The following ZNF610 variants were observed in gnomAD, a reference collection of about 807,000 sequenced individuals.
ZNF610 encodes the protein zinc finger protein 610.
ZNF610 carries 14 observed loss-of-function variants against 14.1 expected under a neutral mutation model. The observed-to-expected ratio is 0.99, with a 90% confidence interval of 0.65 to 1.55. ZNF610 has a LOEUF of 1.55. Among genes scored for constraint, ZNF610 ranks in the 40% most tolerant of loss-of-function variants. The pLI is 0.00. For synonymous variants in ZNF610, 185 were observed against 187.6 expected (o/e 0.99, Z 0.11); for missense variants, 530 against 558.0 (o/e 0.95, Z 0.51).
chr19:52,335,677 G>A (rs933028844), upstream of ZNF610, among the ~76,000 whole-genome samples: 3 of 152,118 alleles, frequency 2.0e-5, no homozygotes, highest in African/African-American at 7.2e-5. Flanking sequence ...CTCCCGTGCT[G>A]GAGATCAGAG....
intron 1 of ZNF610, among the ~76,000 whole-genome samples, chr19:52,339,073 G>A (rs946784913): frequency 2.0e-5 from 3 of 151,976 alleles, no homozygotes; most frequent in South Asian, 2.1e-4. Context: ...ATAAGGAAAC[G>A]TGCTGTGCCT....
At chr19:52,347,482 A>G (rs893241937) in intron 1 of ZNF610, among the ~76,000 whole-genome samples, 2 of 152,192 alleles carry the variant, frequency 1.3e-5, no homozygotes, top group South Asian at 4.1e-4. Flanking sequence ...TGAGAAAAAA[A>G]TATTTTTTAT....
intron 1 of ZNF610, among the ~76,000 whole-genome samples, chr19:52,337,083 A>G (rs1984421598): frequency 6.6e-6 from 1 of 152,176 alleles, no homozygotes; most frequent in South Asian, 2.1e-4. Flanking sequence ...AGGGGGAGAA[A>G]AGTAACTGGA....
the ZNF610 span, among the ~76,000 whole-genome samples, chr19:52,330,879 A>C: frequency 3.3e-5 from 5 of 152,248 alleles, no homozygotes; most frequent in Admixed American, 6.5e-5. Context: ...GAAATGAAGA[A>C]TGTGATGTCA....
intron 2 of ZNF610, among the ~76,000 whole-genome samples, chr19:52,348,465 T>C (rs1044733300): frequency 2.6e-5 from 4 of 152,184 alleles, no homozygotes; most frequent in Admixed American, 6.6e-5. Flanking sequence ...ATCCTAGAAA[T>C]ACTGAGACTG....
chr19:52,334,659 A>G (rs1984288591), upstream of ZNF610, among the ~76,000 whole-genome samples: 1 of 152,202 alleles, frequency 6.6e-6, no homozygotes, highest in African/African-American at 2.4e-5. Context: ...GATGAAACAT[A>G]TAAGATGATT....
chr19:52,341,554 C>T (rs1368436487), intron 1 of ZNF610, among the ~76,000 whole-genome samples: 3 of 152,184 alleles, frequency 2.0e-5, no homozygotes, highest in South Asian at 2.1e-4. Context: ...GTAATCTGCC[C>T]GCCTCGGCCT....
chr19:52,340,376 G>A (rs1213314168), intron 1 of ZNF610, among the ~76,000 whole-genome samples: 1 of 152,128 alleles, frequency 6.6e-6, no homozygotes, highest in East Asian at 1.9e-4. Context: ...GTGAAACTCC[G>A]TCTCAAACAT....
At chr19:52,346,586 C>T (rs1462822307) in intron 1 of ZNF610, among the ~76,000 whole-genome samples, 6 of 152,182 alleles carry the variant, frequency 3.9e-5, no homozygotes, top group Admixed American at 2.6e-4. Flanking sequence ...GCGTGAGCCA[C>T]CACACCCAAC....
At chr19:52,351,420 C>T (rs934463154) in intron 3 of ZNF610, among the ~76,000 whole-genome samples, 4 of 151,430 alleles carry the variant, frequency 2.6e-5, no homozygotes, top group African/African-American at 7.3e-5. Flanking sequence ...TGCGCCATTG[C>T]ACTCCAGCCT....
At chr19:52,354,615 G>A (rs546996388) in intron 5 of ZNF610, among the ~76,000 whole-genome samples, 246 of 131,830 alleles carry the variant, frequency 1.9e-3, no homozygotes, top group African/African-American at 7.0e-3. Context: ...GTCTCACTCC[G>A]TTGCCCAGGC....
At position 52,353,747 on chromosome 19, in the gene ZNF610, T is replaced by C. The variant is rs751422558; in HGVS notation, c.129T>C (p.Pro43=). 5 of 1,613,976 alleles carry C rather than the reference T, an allele frequency of 3.1e-6. No individual in the cohort carries two copies. The highest frequency in any genetic ancestry group is 4.2e-6 in the Non-Finnish European group (5 of 1,179,958). The part of the protein sequence containing the change: ...FSQEEWKSLD[P]GQRALYRDVM... ...AGGAGGAGTGGAAATCCCTGGACCC[T>C]GGACAGAGGGCTTTATACAGGGACG... Residue 43 remains proline (P), a synonymous_variant, in exon 4 of 6, where the codon CCT becomes CCC. Transcript: ENST00000403906.
intron 1 of ZNF610, among the ~76,000 whole-genome samples, chr19:52,344,567 C>T (rs975944368): frequency 1.3e-5 from 2 of 152,154 alleles, no homozygotes; most frequent in African/African-American, 4.8e-5. Context: ...CTTGTGCCTC[C>T]TTACAGAGAT....
At chr19:52,355,004 T>C (rs1375379296) in intron 5 of ZNF610, among the ~76,000 whole-genome samples, 1 of 152,212 alleles carries the variant, frequency 6.6e-6, no homozygotes, top group East Asian at 1.9e-4. Context: ...GTCACTCAGT[T>C]CTATAAATGT....
intron 5 of ZNF610, among the ~76,000 whole-genome samples, chr19:52,356,089 A>T (rs1985509959): frequency 6.6e-6 from 1 of 152,162 alleles, no homozygotes; most frequent in Non-Finnish European, 1.5e-5. Flanking sequence ...AGCAGATCAC[A>T]CTCGTACCAC....
At chr19:52,360,582 C>T (rs1985728609) in intron 5 of ZNF610, among the ~76,000 whole-genome samples, 2 of 152,204 alleles carry the variant, frequency 1.3e-5, no homozygotes, top group African/African-American at 4.8e-5. Flanking sequence ...GTAGATTCCT[C>T]GTATTCCTAA....
At chr19:52,348,960 C>T (rs1347373259) in intron 2 of ZNF610, among the ~76,000 whole-genome samples, 194 bp from the exon 3 acceptor site, 1 of 152,064 alleles carries the variant, frequency 6.6e-6, no homozygotes, top group African/African-American at 2.4e-5. Context: ...AGGAGGGGAG[C>T]GAGTCCTGAA....
chr19:52,341,894 T>C (rs191111528), intron 1 of ZNF610, among the ~76,000 whole-genome samples: 1 of 152,338 alleles, frequency 6.6e-6, no homozygotes. Context: ...CACTGCAACC[T>C]CGACGTCCTG....
intron 1 of ZNF610, among the ~76,000 whole-genome samples, chr19:52,343,442 C>G (rs1260529373): frequency 6.6e-6 from 1 of 151,824 alleles, no homozygotes; most frequent in Non-Finnish European, 1.5e-5. Flanking sequence ...GTGGCAGGCG[C>G]CTGTAATCCC....
Sources: allele counts gnomAD v4.1 joint callset (sites outside exome capture counted in the v4.1 genomes callset), GRCh38; gene constraint gnomAD v4.1.1; transcripts MANE v1.5; gene names NCBI Gene and HGNC (gene_info 2026-07-23, HGNC 2026-07-21).